Variants in GPC6 observed in about 807,000 individuals in gnomAD.
GPC6 encodes glypican-6.
GPC6 carries 14 observed loss-of-function variants against 55.2 expected under a neutral mutation model. That is an observed-to-expected ratio of 0.25 (90% CI 0.17 to 0.40). GPC6 has a LOEUF of 0.40. Ranked by LOEUF, GPC6 falls within the 10% of genes least tolerant of loss-of-function variation. The pLI is 1.00. For synonymous variants in GPC6, 278 were observed against 259.6 expected (o/e 1.07, Z -0.68); for missense variants, 641 against 708.5 (o/e 0.90, Z 1.08).
At chr13:94,184,458 C>T (rs1429563676) in intron 4 of GPC6, among the ~76,000 whole-genome samples, 5 of 151,646 alleles carry the variant, frequency 3.3e-5, no homozygotes, top group Non-Finnish European at 7.4e-5. Flanking sequence ...AACAAATAAC[C>T]CCATTAAAAA....
rs777984297 is a variant in GPC6, at chr13:93,443,134, C to T, written c.161-102129C>T. 5.9e-5 allele frequency among the ~76,000 whole-genome samples: 9 copies of T among 152,092 alleles called. 1 individual carries two copies. Among genetic ancestry groups the T allele is most frequent in the Admixed American group, 1.3e-4 (2 of 15,266 alleles). On this transcript the variant is annotated intron_variant, in intron 1 of 8. Coordinates refer to ENST00000377047, the MANE Select transcript of GPC6 (RefSeq NM_005708.5). ...CAACTGTTTATCCTTAGATAACTTGCCCATTTTCTTCTTTGCCTATACTAT... is the reference window on the plus strand; with the variant it reads ...CAACTGTTTATCCTTAGATAACTTGTCCATTTTCTTCTTTGCCTATACTAT...
chr13:93,837,322 A>G (rs1029319426), intron 3 of GPC6, among the ~76,000 whole-genome samples: 7 of 152,236 alleles, frequency 4.6e-5, no homozygotes, highest in Non-Finnish European at 7.3e-5. Context: ...TAGGGATTCC[A>G]TAACCCTATC....
At chr13:93,362,414 C>T (rs4771873) in intron 1 of GPC6, among the ~76,000 whole-genome samples, 3,233 of 152,254 alleles carry the variant, frequency 0.021, 102 homozygotes, top group East Asian at 0.11. Context: ...TCTCTTTGAT[C>T]AAGGGCTGTA....
At chr13:94,237,391 C>T (rs1250694685) in intron 4 of GPC6, among the ~76,000 whole-genome samples, 1 of 152,020 alleles carries the variant, frequency 6.6e-6, no homozygotes, top group Non-Finnish European at 1.5e-5. Context: ...CTGAGTGCCT[C>T]CTTTATGACA....
intron 3 of GPC6, among the ~76,000 whole-genome samples, chr13:94,023,462 A>G (rs1022293780): frequency 6.6e-6 from 1 of 152,088 alleles, no homozygotes; most frequent in Non-Finnish European, 1.5e-5. Flanking sequence ...AGGCTAAAAT[A>G]GTGACAGTCA....
intron 4 of GPC6, among the ~76,000 whole-genome samples, chr13:94,197,218 C>G (rs1427128203): frequency 6.6e-6 from 1 of 151,808 alleles, no homozygotes; most frequent in Non-Finnish European, 1.5e-5. Context: ...TGAGAAAATC[C>G]CCCCTCATCT....
At chr13:94,205,770 A>C (rs974954368) in intron 4 of GPC6, among the ~76,000 whole-genome samples, 4 of 152,302 alleles carry the variant, frequency 2.6e-5, no homozygotes, top group Admixed American at 2.6e-4. Flanking sequence ...CTTTTCTTTC[A>C]TTAAAGAGTA....
At chr13:93,284,467 G>C (rs1232920546) in intron 1 of GPC6, among the ~76,000 whole-genome samples, 1 of 152,168 alleles carries the variant, frequency 6.6e-6, no homozygotes, top group African/African-American at 2.4e-5. Context: ...AAATTCTTTA[G>C]TATGTACACT....
At chr13:93,234,712 A>AAG (rs555208295) in intron 1 of GPC6, among the ~76,000 whole-genome samples, 3 of 151,066 alleles carry the variant, frequency 2.0e-5, no homozygotes, top group South Asian at 2.1e-4. Context: ...GAGAGAGTGC[A>AAG]AGAGAGAGAG....
chr13:93,685,432 C>T (rs1386418874), intron 2 of GPC6, among the ~76,000 whole-genome samples: 3 of 152,200 alleles, frequency 2.0e-5, no homozygotes, highest in Non-Finnish European at 2.9e-5. Context: ...CATACTATCT[C>T]CACATGGAGT....
chr13:93,742,779 TC>T (rs1326895576), intron 2 of GPC6, among the ~76,000 whole-genome samples: 2 of 152,158 alleles, frequency 1.3e-5, no homozygotes, highest in African/African-American at 4.8e-5. Flanking sequence ...GGTGACAGAA[TC>T]AATATTCAAG....
intron 3 of GPC6, among the ~76,000 whole-genome samples, chr13:93,997,156 C>A (rs965895508): frequency 5.3e-5 from 8 of 152,134 alleles, no homozygotes; most frequent in Admixed American, 4.6e-4. Flanking sequence ...TAAGTAACAT[C>A]TTTTACCAGT....
chr13:93,343,512 G>C (rs184262140), intron 1 of GPC6, among the ~76,000 whole-genome samples: 46 of 152,296 alleles, frequency 3.0e-4, no homozygotes, highest in African/African-American at 1.1e-3. Context: ...TTACCTGCCT[G>C]TTATGAATGT....
intron 3 of GPC6, among the ~76,000 whole-genome samples, chr13:93,992,171 A>G (rs984306779): frequency 4.1e-5 from 6 of 144,746 alleles, no homozygotes; most frequent in Non-Finnish European, 9.1e-5. Flanking sequence ...TTACAGAGAT[A>G]TGTGTGTATA....
intron 1 of GPC6, among the ~76,000 whole-genome samples, chr13:93,285,071 A>T (rs576071637): frequency 2.6e-5 from 4 of 152,260 alleles, no homozygotes; most frequent in African/African-American, 9.6e-5. Context: ...TGAGGAAATG[A>T]ATGGAAGCCA....
chr13:94,390,466 G>A, intron 7 of GPC6, among the ~76,000 whole-genome samples: 1 of 152,154 alleles, frequency 6.6e-6, no homozygotes, highest in East Asian at 1.9e-4. Flanking sequence ...CATGGCTGGG[G>A]AGGCCTCAGG....
At chr13:93,546,581 A>G (rs1320601307) in intron 2 of GPC6, among the ~76,000 whole-genome samples, 8 of 152,188 alleles carry the variant, frequency 5.3e-5, no homozygotes, top group Admixed American at 2.6e-4. Context: ...GTGTATAACT[A>G]TATGTGGATG....
intron 1 of GPC6, among the ~76,000 whole-genome samples, chr13:93,403,539 A>G (rs1275781283): frequency 6.6e-6 from 1 of 152,202 alleles, no homozygotes. Flanking sequence ...CTAAGATGGC[A>G]TAGTCAATGC....
intron 1 of GPC6, among the ~76,000 whole-genome samples, chr13:93,494,589 T>C (rs1880175898): frequency 6.6e-6 from 1 of 152,192 alleles, no homozygotes; most frequent in Non-Finnish European, 1.5e-5. Context: ...GTGATTTTAC[T>C]CGTTAGTTGA....
Sources: allele counts gnomAD v4.1 joint callset (sites outside exome capture counted in the v4.1 genomes callset), GRCh38; gene constraint gnomAD v4.1.1; transcripts MANE v1.5; gene names NCBI Gene and HGNC (gene_info 2026-07-23, HGNC 2026-07-21).